Variants in NRIP1 observed in about 807,000 individuals in gnomAD.
NRIP1 encodes nuclear receptor interacting protein 1.
NRIP1 carries 28 observed loss-of-function variants against 75.0 expected under a neutral mutation model. That is an observed-to-expected ratio of 0.37 (90% CI 0.28 to 0.51). The LOEUF is 0.51. Ranked by LOEUF, NRIP1 falls within the 20% of genes least tolerant of loss-of-function variation. NRIP1 has a pLI of 0.92. For missense variants in NRIP1, 1,435 were observed against 1,343.7 expected (o/e 1.07, Z -1.06); for synonymous variants, 526 against 487.6 (o/e 1.08, Z -1.04).
intron 3 of NRIP1, among the ~76,000 whole-genome samples, chr21:14,980,412 T>G (rs2147008698): frequency 6.6e-6 from 1 of 152,038 alleles, no homozygotes; most frequent in Non-Finnish European, 1.5e-5. Context: ...AGGCGGAGGT[T>G]GCAGTGAGCC....
chr21:14,988,782 G>T (rs1227402875), intron 3 of NRIP1, among the ~76,000 whole-genome samples: 3 of 152,102 alleles, frequency 2.0e-5, no homozygotes, highest in South Asian at 2.1e-4. Flanking sequence ...TTCCTCTCTT[G>T]ACATCTGGAA....
intron 3 of NRIP1, among the ~76,000 whole-genome samples, chr21:14,988,686 A>C (rs2087480994): frequency 6.6e-6 from 1 of 152,154 alleles, no homozygotes; most frequent in Non-Finnish European, 1.5e-5. Flanking sequence ...TTCCTTACCT[A>C]AACCTTTTTC....
intron 1 of NRIP1, among the ~76,000 whole-genome samples, chr21:15,056,130 CTTGTTTGATAAA>C (rs933061458): frequency 2.6e-5 from 4 of 151,912 alleles, no homozygotes; most frequent in African/African-American, 9.7e-5. Flanking sequence ...TAAAAACTAA[CTTGTTTGATAAA>C]TGGGGGGAGG....
chr21:14,985,337 C>T (rs1310155110), intron 3 of NRIP1, among the ~76,000 whole-genome samples: 1 of 152,110 alleles, frequency 6.6e-6, no homozygotes, highest in Non-Finnish European at 1.5e-5. Context: ...TCCAATATAT[C>T]TTTTTCCCTG....
chr21:14,978,553 A>C (rs749938097), intron 3 of NRIP1, among the ~76,000 whole-genome samples: 30 of 152,198 alleles, frequency 2.0e-4, no homozygotes, highest in Non-Finnish European at 3.7e-4. Flanking sequence ...ACAGCTATAT[A>C]CTGAATAAAA....
intron 2 of NRIP1, among the ~76,000 whole-genome samples, chr21:15,025,300 A>C (rs2088489867): frequency 6.6e-6 from 1 of 152,114 alleles, no homozygotes; most frequent in African/African-American, 2.4e-5. Context: ...GAGGTACAAA[A>C]AGGGAAGGAA....
At chr21:15,050,234 C>A (rs186415636) in intron 1 of NRIP1, 10 of 157,118 alleles carry the variant, frequency 6.4e-5, no homozygotes, top group African/African-American at 2.2e-4. Context: ...CTATTGAGAC[C>A]AATCAGAACC....
chr21:15,059,625 T>C (rs2026848), intron 1 of NRIP1, among the ~76,000 whole-genome samples: 27,405 of 152,066 alleles, frequency 0.18, 3,258 homozygotes, highest in African/African-American at 0.32. Context: ...GCTGGAGTTC[T>C]TGAAATTATT....
chr21:14,963,836 T>A lies in NRIP1; in HGVS notation c.*880A>T, dbSNP rs1406103737. On this transcript the variant is annotated 3_prime_UTR_variant, in exon 4 of 4. Coordinates refer to ENST00000318948, the MANE Select transcript of NRIP1 (RefSeq NM_003489.4). ...GCAGGTACCACAGGAATGGTGAGAA[T>A]TAACTTTTACAAGAGATGGTGAAAA... 2 of 152,270 alleles carry A rather than the reference T, an allele frequency of 1.3e-5. No homozygotes were observed. The highest frequency in any genetic ancestry group is 4.1e-4 in the South Asian group (2 of 4,828). 9.4% of individuals were successfully genotyped at this position (152,270 alleles called of 1,614,324 possible). A position where few individuals can be genotyped will look rare whatever the true frequency, so the allele number is the denominator to read the frequency against.
intron 1 of NRIP1, among the ~76,000 whole-genome samples, chr21:15,055,025 T>C (rs1321007673): frequency 1.3e-5 from 2 of 152,186 alleles, no homozygotes; most frequent in Admixed American, 6.6e-5. Flanking sequence ...GTGTGGTCCA[T>C]GAAAAGGTCT....
intron 3 of NRIP1, among the ~76,000 whole-genome samples, chr21:14,988,764 C>T (rs1600838574): frequency 6.6e-6 from 1 of 152,094 alleles, no homozygotes; most frequent in East Asian, 1.9e-4. Flanking sequence ...AACTAATGGA[C>T]CAATCATTTC....
chr21:14,989,086 G>T (rs73172306), intron 3 of NRIP1, among the ~76,000 whole-genome samples: 5,015 of 152,282 alleles, frequency 0.033, 227 homozygotes, highest in African/African-American at 0.1. Context: ...GAGCTTTGTT[G>T]AGGGGCTTCT....
chr21:15,004,659 T>C (rs1490213159), intron 3 of NRIP1, among the ~76,000 whole-genome samples: 1 of 152,254 alleles, frequency 6.6e-6, no homozygotes, highest in African/African-American at 2.4e-5. Flanking sequence ...TAAAATGTCA[T>C]GCATGTTCAG....
intron 3 of NRIP1, among the ~76,000 whole-genome samples, chr21:14,983,841 A>G (rs1235072923): frequency 5.9e-5 from 9 of 152,234 alleles, no homozygotes; most frequent in Non-Finnish European, 1.5e-5. Flanking sequence ...ACATCTGTTT[A>G]CACCATGATT....
rs537329006 is a variant in NRIP1 at position 15,038,370 on chromosome 21, A to G, written c.-458+5125T>C. Among the ~76,000 whole-genome samples the G allele has an allele frequency of 1.6e-3, 250 of 152,192 alleles. 1 individual carries two copies. The highest frequency in any genetic ancestry group is 5.9e-3 in the African/African-American group (245 of 41,572). On this transcript the variant is annotated intron_variant, in intron 2 of 3. Transcript: ENST00000318948. ...AAAGCCAAACTATACTTCTCTTTCC[A>G]AAGAGGAAATTTGGAAAAATTACTT...
At chr21:15,062,522 T>C (rs1426054947) in intron 1 of NRIP1, among the ~76,000 whole-genome samples, 1 of 152,250 alleles carries the variant, frequency 6.6e-6, no homozygotes, top group Non-Finnish European at 1.5e-5. Flanking sequence ...TAAAATCTTC[T>C]GAATTAACAT....
intron 2 of NRIP1, among the ~76,000 whole-genome samples, chr21:15,023,212 G>A (rs1285040166): frequency 1.3e-5 from 2 of 152,150 alleles, no homozygotes; most frequent in Admixed American, 6.5e-5. Context: ...TGAATTTATA[G>A]TATGTAAATT....
intron 1 of NRIP1, among the ~76,000 whole-genome samples, chr21:15,056,211 T>C (rs969682626): frequency 1.8e-4 from 28 of 151,790 alleles, no homozygotes; most frequent in African/African-American, 6.5e-4. Context: ...TTTTATCAAA[T>C]TCTCTTCCAA....
intron 3 of NRIP1, chr21:14,992,657 T>C (rs551208813): frequency 2.3e-4 from 35 of 152,210 alleles, no homozygotes; most frequent in African/African-American, 7.5e-4. Context: ...GGAATACTCC[T>C]AGGAAGTGAC....
Sources: allele counts gnomAD v4.1 joint callset (sites outside exome capture counted in the v4.1 genomes callset), GRCh38; gene constraint gnomAD v4.1.1; transcripts MANE v1.5; gene names NCBI Gene and HGNC (gene_info 2026-07-23, HGNC 2026-07-21).